Variants in FAT1 observed in about 807,000 individuals in gnomAD.
The protein encoded by FAT1 is protocadherin Fat 1.
Under a neutral mutation model 329.8 loss-of-function variants are expected in FAT1, and 171 were observed. That is an observed-to-expected ratio of 0.52 (90% CI 0.46 to 0.59). The LOEUF is 0.59. Ranked by LOEUF, FAT1 falls within the 20% of genes least tolerant of loss-of-function variation. The pLI is 0.00. For missense variants in FAT1, 5,672 were observed against 5,774.4 expected (o/e 0.98, Z 0.57); for synonymous variants, 2,233 against 2,228.6 (o/e 1.00, Z -0.06).
Position 186,707,049 on chromosome 4 carries a change from A to G in FAT1, c.2779T>C (p.Phe927Leu), listed in dbSNP as rs2126685147. Residue 927 changes from phenylalanine to leucine, a missense_variant, in exon 2 of 27, where the codon TTT becomes CTT. Phe to Leu is a conservative substitution (Grantham distance 22, BLOSUM62 0). Coordinates refer to ENST00000441802, the MANE Select transcript of FAT1 (RefSeq NM_005245.4). Reference protein sequence around the residue: ...LEDVNDNPPTFIPPNYRVKVR... With the variant: ...LEDVNDNPPTLIPPNYRVKVR... ...TTCACACGATAATTAGGTGGAATAA[A>G]TGTAGGTGGGTTGTCATTAACATCT... 1.2e-6 allele frequency: 2 copies of G among 1,613,928 alleles called. No individual in the cohort carries two copies. Among genetic ancestry groups the G allele is most frequent in the Non-Finnish European group, 1.7e-6 (2 of 1,179,884 alleles).
intron 24 of FAT1, 110 bp from the exon 25 acceptor site, chr4:186,597,281 G>T: frequency 8.3e-7 from 1 of 1,206,294 alleles, no homozygotes; most frequent in Non-Finnish European, 1.1e-6. Context: ...GCTATGTGAA[G>T]ATCAAACCCA....
chr4:186,717,732 T>C (rs1745281922), intron 1 of FAT1, among the ~76,000 whole-genome samples: 1 of 152,230 alleles, frequency 6.6e-6, no homozygotes, highest in Non-Finnish European at 1.5e-5. Flanking sequence ...GGGTTCTAGT[T>C]GTTCTGTGCT....
chr4:186,651,811 CA>C (rs1366739645), intron 3 of FAT1, among the ~76,000 whole-genome samples: 1 of 152,212 alleles, frequency 6.6e-6, no homozygotes, highest in Non-Finnish European at 1.5e-5. Flanking sequence ...ATCTCCGCAG[CA>C]CCGCACCGTC....
In FAT1 at chr4:186,617,084, G is replaced by C; in HGVS notation, c.8996C>G (p.Thr2999Ser). 6.2e-7 allele frequency: 1 copy of C among 1,613,978 alleles called. No individual in the cohort carries two copies. The highest frequency in any genetic ancestry group is 8.5e-7 in the Non-Finnish European group (1 of 1,179,880). Reference sequence around the variant, plus strand: ...CGCTTTTGATGAGAAGGTGCCATCAGTTGCCGTGATAGTAAGAAGGTAATT... The same window carrying C: ...CGCTTTTGATGAGAAGGTGCCATCACTTGCCGTGATAGTAAGAAGGTAATT... ...RDNYLLTITA[T>S]DGTFSSKAIV... Residue 2999 changes from threonine to serine, a missense_variant, in exon 11 of 27, where the codon ACT becomes AGT. Coordinates refer to ENST00000441802, the MANE Select transcript of FAT1 (RefSeq NM_005245.4).
At chr4:186,682,541 A>AAAAAAAAAAAAAAG (rs1560989432) in intron 2 of FAT1, among the ~76,000 whole-genome samples, 2 of 151,794 alleles carry the variant, frequency 1.3e-5, no homozygotes, top group Non-Finnish European at 2.9e-5. Context: ...AAAAAAAAAA[A>AAAAAAAAAAAAAAG]AAAGAAAGTT....
chr4:186,661,147 C>T (rs1415784441), intron 3 of FAT1, among the ~76,000 whole-genome samples: 1 of 152,176 alleles, frequency 6.6e-6, no homozygotes, highest in African/African-American at 2.4e-5. Context: ...ATATTTGTTT[C>T]TGTCCATGGT....
chr4:186,594,325 T>C (rs754569598), intron 26 of FAT1, among the ~76,000 whole-genome samples: 3 of 151,926 alleles, frequency 2.0e-5, no homozygotes, highest in South Asian at 2.1e-4. Context: ...CCTCCCAAAG[T>C]GCTGGGATTA....
chr4:186,691,622 T>C (rs1289860055), intron 2 of FAT1, among the ~76,000 whole-genome samples: 2 of 151,902 alleles, frequency 1.3e-5, no homozygotes, highest in East Asian at 1.9e-4. Context: ...CTGGGCAACA[T>C]AGCAAGACCC....
chr4:186,672,438 A>C (rs1051845417), intron 2 of FAT1, among the ~76,000 whole-genome samples: 1 of 152,192 alleles, frequency 6.6e-6, no homozygotes, highest in African/African-American at 2.4e-5. Flanking sequence ...AGTTTAACTG[A>C]AGCCATGACA....
Position 186,617,176 on chromosome 4 carries a change from G to A in FAT1, c.8904C>T (p.Ala2968=), listed in dbSNP as rs1280099. The A allele has an allele frequency of 0.45, 720,589 of 1,604,044 alleles. 163,895 individuals carry two copies. Among genetic ancestry groups the A allele is most frequent in the African/African-American group, 0.53 (39,874 of 74,598 alleles). The stretch of plus-strand genomic sequence containing the variant: ...TCCATTCATTCTGTATAGTTTCAAC[G>A]GCAAACTGTCCTAAAGGATCCCCTC... ...ITGGDPLGQF[A]VETIQNEWKV... is the part of the protein sequence containing the mutation. Residue 2968 remains alanine, a synonymous_variant, in exon 11 of 27, where the codon GCC becomes GCT. Transcript: ENST00000441802.
intron 9 of FAT1, 114 bp downstream of exon 9, chr4:186,628,040 G>GC: frequency 1.8e-6 from 2 of 1,130,286 alleles, no homozygotes; most frequent in Non-Finnish European, 2.5e-6. Flanking sequence ...ATCAATTTAA[G>GC]CCATTTTTGC....
chr4:186,607,095 C>T (rs1164992636), intron 16 of FAT1, among the ~76,000 whole-genome samples: 1 of 152,226 alleles, frequency 6.6e-6, no homozygotes, highest in Non-Finnish European at 1.5e-5. Context: ...AGTCCCTTCT[C>T]AACATTCACA....
In FAT1 at chr4:186,603,753, A is replaced by G. The variant is rs745477409; in HGVS notation, c.10773T>C (p.Ser3591=). 21 of 1,613,836 alleles carry G rather than the reference A, an allele frequency of 1.3e-5. No homozygotes were observed. The highest frequency in any genetic ancestry group is 1.8e-5 in the Non-Finnish European group (21 of 1,179,852). ...TCAGCTTGCCCCCTGTGCTGGAAAC[A>G]GAGAACAGGTTGTCCATCTGAGGGT... ...SLDPQMDNLF[S]VSSTGGKLIA... The change falls in exon 19 of 27, where the codon TCT becomes TCC. Residue 3591 remains serine (S), a synonymous_variant. Transcript: ENST00000441802.
intron 3 of FAT1, among the ~76,000 whole-genome samples, chr4:186,652,137 C>T (rs1741695534): frequency 6.6e-6 from 1 of 152,190 alleles, no homozygotes. Context: ...GCTTTCAATT[C>T]TACCTTACTA....
At chr4:186,591,035 T>C (rs566167370) in intron 26 of FAT1, among the ~76,000 whole-genome samples, 1 of 152,358 alleles carries the variant, frequency 6.6e-6, no homozygotes, top group South Asian at 2.1e-4. Flanking sequence ...GCCCCGCATC[T>C]ATACACAGAA....
In FAT1 at chr4:186,707,960, ACCC is replaced by A; in HGVS notation, c.1865_1867del (p.Gly622del). On this transcript the variant is annotated inframe_deletion, in exon 2 of 27. Transcript: ENST00000441802. Reference sequence around the variant, plus strand: ...CATTAGCGATCGCTTTAATGACAATACCCCCGAGTTGGGGTTTAAACTAAAGAA... The same window carrying A: ...CATTAGCGATCGCTTTAATGACAATACCGAGTTGGGGTTTAAACTAAAGAA... The A allele has an allele frequency of 6.2e-7, 1 of 1,613,778 alleles. No homozygotes were observed. The highest frequency in any genetic ancestry group is 8.5e-7 in the Non-Finnish European group (1 of 1,179,856).
chr4:186,686,601 G>A (rs1743484101), intron 2 of FAT1, among the ~76,000 whole-genome samples: 2 of 151,928 alleles, frequency 1.3e-5, no homozygotes, highest in Admixed American at 1.3e-4. Flanking sequence ...GCTTAGCGCT[G>A]TTTTTTTTAA....
chr4:186,714,806 G>A (rs1354637815), intron 1 of FAT1, among the ~76,000 whole-genome samples: 2 of 152,170 alleles, frequency 1.3e-5, no homozygotes, highest in African/African-American at 2.4e-5. Flanking sequence ...CCAGCTGGGC[G>A]CGGTGGCTCA....
At position 186,708,744 on chromosome 4, in the gene FAT1, C is replaced by G. The variant is rs762164928; in HGVS notation, c.1084G>C (p.Ala362Pro). The change falls in exon 2 of 27, where the codon GCC (alanine) becomes CCC (proline). Residue 362 changes from alanine (A) to proline (P), a missense_variant. Around this residue, in one of 2 missense-constraint regions of FAT1, gnomAD observed 3,966 missense variants for 3,915.2 expected, o/e 1.01. Coordinates refer to ENST00000441802, the MANE Select transcript of FAT1 (RefSeq NM_005245.4). ...VIHVTSPQFKAGPVKFEKDVY... is the reference protein window; with the variant it reads ...VIHVTSPQFKPGPVKFEKDVY... ...TCCTTTTCAAACTTGACTGGCCCGG[C>G]TTTGAACTGTGGAGAAGTCACGTGA... The G allele has an allele frequency of 5.6e-6, 9 of 1,613,848 alleles. No homozygotes were observed. Among genetic ancestry groups the G allele is most frequent in the African/African-American group, 1.3e-5 (1 of 74,912 alleles).
Sources: gnomAD v4.1 joint callset for allele counts (sites outside exome capture counted in the v4.1 genomes callset) on GRCh38, gnomAD v4.1.1 for gene constraint, gnomAD v4.1.1 regional missense constraint, MANE v1.5 for transcripts, NCBI Gene and HGNC (gene_info 2026-07-23, HGNC 2026-07-21) for gene names.